Variants in TBC1D22A observed in about 807,000 individuals in gnomAD.
TBC1D22A encodes the protein putative GTPase activator.
TBC1D22A carries 38 observed loss-of-function variants against 60.2 expected under a neutral mutation model. The observed-to-expected ratio is 0.63, with a 90% confidence interval of 0.49 to 0.83. TBC1D22A has a LOEUF of 0.83. Among genes scored for constraint, TBC1D22A ranks in the 40% least tolerant of loss-of-function variants. TBC1D22A has a pLI of 0.00. For synonymous variants in TBC1D22A, 302 were observed against 281.7 expected, an observed-to-expected ratio of 1.07 and a Z score of -0.72; for missense variants, 628 against 701.0, an observed-to-expected ratio of 0.90 and a Z score of 1.18.
intron 4 of TBC1D22A, among the ~76,000 whole-genome samples, chr22:46,847,503 C>G (rs1037374610): frequency 6.6e-6 from 1 of 152,202 alleles, no homozygotes; most frequent in East Asian, 1.9e-4. Flanking sequence ...ATCATTGTTA[C>G]GCATTCTGCT....
intron 11 of TBC1D22A, among the ~76,000 whole-genome samples, chr22:47,040,992 G>A (rs954799282): frequency 4.6e-5 from 7 of 152,148 alleles, no homozygotes; most frequent in African/African-American, 1.7e-4. Context: ...CTTTAGAATG[G>A]CTCCTCACAC....
intron 11 of TBC1D22A, among the ~76,000 whole-genome samples, chr22:47,109,698 G>T (rs991742940): frequency 6.6e-6 from 1 of 152,094 alleles, no homozygotes; most frequent in Non-Finnish European, 1.5e-5. Context: ...TGGCAACTTC[G>T]CCCTTCCAGT....
At chr22:47,121,909 C>G (rs541359549) in intron 12 of TBC1D22A, among the ~76,000 whole-genome samples, 63 of 151,904 alleles carry the variant, frequency 4.1e-4, no homozygotes, top group African/African-American at 1.4e-3. Flanking sequence ...GCGCCCGCCC[C>G]TCGGGTGTCC....
chr22:47,009,745 A>G lies in TBC1D22A; in HGVS notation c.1201+12036A>G, dbSNP rs1229694521. On this transcript the variant is annotated intron_variant, in intron 10 of 12. Transcript: ENST00000337137. This position sits in a 1 kb window ranked among gnomAD's most constrained non-coding sequence, Gnocchi z 5.8. ...TCACCATCATTTCCTCACCATCATCACCATCAACAAACTGTACAGCAGGAT... is the reference window on the plus strand; with the variant it reads ...TCACCATCATTTCCTCACCATCATCGCCATCAACAAACTGTACAGCAGGAT... 6.6e-6 allele frequency among the ~76,000 whole-genome samples: 1 copy of G among 152,150 alleles called. No homozygotes were observed. Among genetic ancestry groups the G allele is most frequent in the African/African-American group, 2.4e-5 (1 of 41,416 alleles).
chr22:46,993,956 C>T (rs555720641), intron 9 of TBC1D22A, among the ~76,000 whole-genome samples: 9 of 152,326 alleles, frequency 5.9e-5, no homozygotes, highest in South Asian at 4.1e-4. Flanking sequence ...GGGGTGGGGC[C>T]GGGCGTCCCT....
chr22:46,959,364 G>A (rs994999398), intron 8 of TBC1D22A, among the ~76,000 whole-genome samples: 15 of 152,176 alleles, frequency 9.9e-5, no homozygotes, highest in Non-Finnish European at 1.8e-4. Context: ...TCCTGACACC[G>A]ACCCGCAGGT....
rs190494404 is a variant in TBC1D22A, at chr22:46,944,546, C to A, written c.1016-29744C>A. ...CCCAAGTAGCTGGGACTACAGGCGCCCGCCACCATGCCCGGCTAATTTCTT... is the reference window on the plus strand; with the variant it reads ...CCCAAGTAGCTGGGACTACAGGCGCACGCCACCATGCCCGGCTAATTTCTT... On this transcript the variant is annotated intron_variant, in intron 8 of 12. Coordinates refer to ENST00000337137, the MANE Select transcript of TBC1D22A (RefSeq NM_014346.5). 1.1e-3 allele frequency among the ~76,000 whole-genome samples: 175 copies of A among 152,180 alleles called. No homozygotes were observed. In the Middle Eastern group the frequency reaches 0.014, roughly 12 times the overall value.
chr22:47,089,999 T>G (rs1009335783), intron 11 of TBC1D22A, among the ~76,000 whole-genome samples: 1 of 152,152 alleles, frequency 6.6e-6, no homozygotes, highest in Admixed American at 6.5e-5. Context: ...TCCGGAACTT[T>G]GGCGTGGCAT....
chr22:46,939,864 TGA>T (rs1316011846), intron 8 of TBC1D22A, among the ~76,000 whole-genome samples: 1 of 152,164 alleles, frequency 6.6e-6, no homozygotes, highest in Non-Finnish European at 1.5e-5. Context: ...AGGGGACCTA[TGA>T]GAGAGGAATT....
intron 10 of TBC1D22A, among the ~76,000 whole-genome samples, chr22:47,016,145 T>C (rs2061905298): frequency 6.6e-6 from 1 of 152,152 alleles, no homozygotes. Context: ...GTTGTTAAGA[T>C]TGTAGAAGCT....
chr22:46,866,445 C>A (rs1051969145), intron 4 of TBC1D22A, among the ~76,000 whole-genome samples: 1 of 152,206 alleles, frequency 6.6e-6, no homozygotes, highest in Non-Finnish European at 1.5e-5. Flanking sequence ...GAGAGTGAAT[C>A]CATCAGCATC....
intron 12 of TBC1D22A, among the ~76,000 whole-genome samples, chr22:47,136,115 T>TG (rs759333386): frequency 6.6e-6 from 1 of 152,208 alleles, no homozygotes; most frequent in Non-Finnish European, 1.5e-5. Context: ...CACGATGGTG[T>TG]GGAAGGCCTT....
At chr22:46,965,994 G>A (rs1356035488) in intron 8 of TBC1D22A, among the ~76,000 whole-genome samples, 1 of 152,160 alleles carries the variant, frequency 6.6e-6, no homozygotes, top group Non-Finnish European at 1.5e-5. Context: ...ACCTCCCGCA[G>A]CCATGGCACT....
At chr22:47,061,697 A>G (rs1242660348) in intron 11 of TBC1D22A, among the ~76,000 whole-genome samples, 1 of 151,662 alleles carries the variant, frequency 6.6e-6, no homozygotes, top group South Asian at 2.1e-4. Context: ...AGGATTTTGC[A>G]TTGTCGGTGG....
At chr22:47,050,118 C>T (rs1320947222) in intron 11 of TBC1D22A, among the ~76,000 whole-genome samples, 1 of 152,230 alleles carries the variant, frequency 6.6e-6, no homozygotes, top group Admixed American at 6.5e-5. Context: ...GATTCTCCTG[C>T]CTCTGCCTCC....
At chr22:47,143,503 T>C (rs918810300) in intron 12 of TBC1D22A, among the ~76,000 whole-genome samples, 11 of 152,234 alleles carry the variant, frequency 7.2e-5, no homozygotes, top group African/African-American at 2.7e-4. Flanking sequence ...TCACCATCAG[T>C]GCAGTGGCCC....
intron 12 of TBC1D22A, among the ~76,000 whole-genome samples, chr22:47,118,790 T>TACACACAC (rs146644664): frequency 1.5e-3 from 187 of 125,522 alleles, no homozygotes; most frequent in African/African-American, 5.9e-3. Flanking sequence ...AAGAGGAATT[T>TACACACAC]ACACACACAC....
Position 46,912,213 on chromosome 22 carries a change from C to T in TBC1D22A, c.1015+25C>T, listed in dbSNP as rs567756861. 2.7e-5 allele frequency: 42 copies of T among 1,560,576 alleles called. No homozygotes were observed. The South Asian group carries it at 3.5e-4, about 13-fold the overall frequency. ...GGTAAGATTTCTTGCAAACATTAAA[C>T]GTGAACTTTAGTGGACTTGCTGTGT... On this transcript the variant is annotated intron_variant, in intron 8 of 12. Coordinates refer to ENST00000337137, the MANE Select transcript of TBC1D22A (RefSeq NM_014346.5).
At chr22:47,153,376 C>T (rs1003695148) in intron 12 of TBC1D22A, among the ~76,000 whole-genome samples, 2 of 152,016 alleles carry the variant, frequency 1.3e-5, no homozygotes, top group Non-Finnish European at 2.9e-5. Flanking sequence ...TTCCTAAAGA[C>T]GGGGAGGGTG....
Sources: gnomAD v4.1 joint callset for allele counts (sites outside exome capture counted in the v4.1 genomes callset) on GRCh38, gnomAD v4.1.1 for gene constraint, Gnocchi (gnomAD v3.1) non-coding constraint, MANE v1.5 for transcripts, NCBI Gene and HGNC (gene_info 2026-07-23, HGNC 2026-07-21) for gene names.